PPP1R21: variants seen among roughly 807,000 people sequenced by gnomAD.
The protein encoded by PPP1R21 is protein phosphatase 1 regulatory subunit 21.
A neutral mutation model predicts 112.8 loss-of-function variants in PPP1R21; 85 were observed. That is an observed-to-expected ratio of 0.75 (90% CI 0.63 to 0.90). The LOEUF (loss-of-function observed/expected upper bound fraction) is 0.90, where lower values mean the gene tolerates loss of function less well. PPP1R21 is among the 40% of genes least tolerant of loss of function. The pLI is 0.00. For missense variants in PPP1R21, 1,199 were observed against 901.5 expected, an observed-to-expected ratio of 1.33 and a Z score of -4.23; for synonymous variants, 381 against 322.3, an observed-to-expected ratio of 1.18 and a Z score of -1.95.
At chr2:48,484,126 C>G (rs1023278992) in intron 13 of PPP1R21, among the ~76,000 whole-genome samples, 1 of 152,188 alleles carries the variant, frequency 6.6e-6, no homozygotes, top group Non-Finnish European at 1.5e-5. Context: ...ATACTTTTTC[C>G]CCAAGATATA....
At chr2:48,508,549 G>A (rs547991270) in intron 19 of PPP1R21, among the ~76,000 whole-genome samples, 1 of 152,322 alleles carries the variant, frequency 6.6e-6, no homozygotes, top group African/African-American at 2.4e-5. Flanking sequence ...ATGCAGGAAA[G>A]GGGGAGGACA....
At chr2:48,467,745 C>T (rs1354186955) in intron 9 of PPP1R21, among the ~76,000 whole-genome samples, 2 of 152,202 alleles carry the variant, frequency 1.3e-5, no homozygotes. Context: ...ATTGGTCACA[C>T]AGACCAGACC....
chr2:48,462,976 A>G (rs1469664647), intron 7 of PPP1R21, among the ~76,000 whole-genome samples: 4 of 152,180 alleles, frequency 2.6e-5, no homozygotes, highest in African/African-American at 7.2e-5. Context: ...CATGGGGAAG[A>G]TGGTGATGCA....
chr2:48,442,372 C>T (rs1315684322), intron 1 of PPP1R21, among the ~76,000 whole-genome samples: 4 of 152,166 alleles, frequency 2.6e-5, no homozygotes, highest in Admixed American at 2.0e-4. Flanking sequence ...CCAGCAAGCT[C>T]AGAAGGCCAT....
chr2:48,499,115 A>G (rs879302845), intron 17 of PPP1R21, among the ~76,000 whole-genome samples: 7 of 137,540 alleles, frequency 5.1e-5, no homozygotes, highest in African/African-American at 1.6e-4. Context: ...TAGAGTTTCA[A>G]CGTAGGATAT....
chr2:48,505,596 G>A lies in PPP1R21; in HGVS notation c.1968G>A (p.Glu656=). 1.3e-6 allele frequency: 2 copies of A among 1,549,784 alleles called. No homozygotes were observed. The highest frequency in any genetic ancestry group is 1.7e-6 in the Non-Finnish European group (2 of 1,144,750). Residue 656 remains glutamate (E), a splice_region_variant and synonymous_variant, in exon 18 of 22, where the codon GAG becomes GAA. Transcript: ENST00000294952. ...IGTLTRTSDS[E]VPDVESREDL... ...CTTTAACCAGGACATCTGACAGTGA[G>A]GTAACATGTGCTTGTCATCATGTTG...
chr2:48,501,736 G>T lies in PPP1R21; in HGVS notation c.1935+3001G>T, dbSNP rs531323746. 4.1e-4 allele frequency among the ~76,000 whole-genome samples: 63 copies of T among 151,966 alleles called. 3 individuals are homozygous for T. The South Asian group carries it at 0.01, about 25-fold the overall frequency. On this transcript the variant is annotated intron_variant, in intron 17 of 21. Transcript: ENST00000294952. ...GAAGCAGGAGGATTTTTGAGCCCAGGAGTCTGAGGCTGCAGTGAGCTATCA... is the reference window on the plus strand; with the variant it reads ...GAAGCAGGAGGATTTTTGAGCCCAGTAGTCTGAGGCTGCAGTGAGCTATCA...
chr2:48,478,031 G>T (rs952781896), intron 12 of PPP1R21, among the ~76,000 whole-genome samples: 10 of 152,200 alleles, frequency 6.6e-5, no homozygotes, highest in Admixed American at 2.6e-4. Context: ...TGGAGACAGA[G>T]ATACAAGGGG....
intron 4 of PPP1R21, 122 bp from the exon 5 acceptor site, chr2:48,459,632 G>T: frequency 1.9e-6 from 2 of 1,044,610 alleles, no homozygotes; most frequent in Non-Finnish European, 2.7e-6. Flanking sequence ...GCCTGTGTGG[G>T]TTTAACATAG....
intron 12 of PPP1R21, among the ~76,000 whole-genome samples, chr2:48,476,806 T>C (rs778894721): frequency 3.3e-5 from 5 of 152,212 alleles, no homozygotes; most frequent in South Asian, 2.1e-4. Flanking sequence ...CTGTTTATTA[T>C]TGAGTTATAA....
chr2:48,471,075 C>T lies in PPP1R21; in HGVS notation c.898-12C>T, dbSNP rs781207899. The T allele has an allele frequency of 5.1e-5, 78 of 1,531,570 alleles. No individual in the cohort carries two copies. The highest frequency in any genetic ancestry group is 6.8e-5 in the Non-Finnish European group (75 of 1,107,230). 94.9% of individuals were successfully genotyped at this position (1,531,570 alleles called of 1,614,324 possible). Reference sequence around the variant, plus strand: ...CAGTGATTTAATTCACAATACTTTCCCTCCTGTTTAGTTCTCACAATACCT... The same window carrying T: ...CAGTGATTTAATTCACAATACTTTCTCTCCTGTTTAGTTCTCACAATACCT... On this transcript the variant is annotated splice_polypyrimidine_tract_variant and intron_variant, in intron 9 of 21. Transcript: ENST00000294952.
At chr2:48,443,559 G>C (rs888427566) in intron 1 of PPP1R21, among the ~76,000 whole-genome samples, 1 of 152,230 alleles carries the variant, frequency 6.6e-6, no homozygotes, top group Admixed American at 6.5e-5. Context: ...AGGAGGAAGA[G>C]ATGCTAAGGA....
At position 48,509,620 on chromosome 2, in the gene PPP1R21, A is replaced by T. The variant is rs985859545; in HGVS notation, c.2086-395A>T. 1.0e-3 allele frequency among the ~76,000 whole-genome samples: 158 copies of T among 151,990 alleles called. 1 individual carries two copies. Among genetic ancestry groups the T allele is most frequent in the African/African-American group, 3.7e-3 (153 of 41,484 alleles). On this transcript the variant is annotated intron_variant, in intron 19 of 21. Transcript: ENST00000294952. ...CTCGGGAAGCTGAGGCAGGAGGATCACTTGAACCCGGGAGGTGGAGGTTGC... is the reference window on the plus strand; with the variant it reads ...CTCGGGAAGCTGAGGCAGGAGGATCTCTTGAACCCGGGAGGTGGAGGTTGC...
In PPP1R21 at chr2:48,482,885, A is replaced by C. The variant is rs117233907; in HGVS notation, c.1318+2869A>C. ...CTGCACAGATCATCCCATCAACTAG[A>C]TAGTAAGCCCAGCATCCATTTGCCA... On this transcript the variant is annotated intron_variant, in intron 13 of 21. Coordinates refer to ENST00000294952, the MANE Select transcript of PPP1R21 (RefSeq NM_001135629.3). Among the ~76,000 whole-genome samples, 55 of 152,110 alleles carry C rather than the reference A, an allele frequency of 3.6e-4. No individual in the cohort carries two copies. The East Asian group carries it at 8.9e-3, about 25-fold the overall frequency.
At position 48,497,283 on chromosome 2, in the gene PPP1R21, G is replaced by T. The variant is rs186686001; in HGVS notation, c.1693-1210G>T. Among the ~76,000 whole-genome samples the T allele has an allele frequency of 7.0e-4, 107 of 152,300 alleles. 1 individual carries two copies. Among genetic ancestry groups the T allele is most frequent in the South Asian group, 2.5e-3 (12 of 4,828 alleles). ...GGGGAAATACCCCACATATTTTGGG[G>T]TCACAGAAGTCTTCTGTATTGATTG... is the stretch of plus-strand genomic sequence containing the variant. On this transcript the variant is annotated intron_variant, in intron 16 of 21. Coordinates refer to ENST00000294952, the MANE Select transcript of PPP1R21 (RefSeq NM_001135629.3).
chr2:48,469,283 GTGTGTGTGTGTGTATGTA>G (rs1558455958), intron 9 of PPP1R21, among the ~76,000 whole-genome samples: 1 of 46,806 alleles, frequency 2.1e-5, no homozygotes, highest in African/African-American at 7.7e-5. Context: ...GTGTGTGTGT[GTGTGTGTGTGTGTATGTA>G]TATATATACA....
rs201470465 is a variant in PPP1R21, at chr2:48,514,764, C to T, written c.*20C>T. ...CGATAGTTTTGAAATAGCTGGTTGG[C>T]GACTGTTCTTTCCAGACCTGCTCCT... is the stretch of plus-strand genomic sequence containing the variant. On this transcript the variant is annotated 3_prime_UTR_variant, in exon 22 of 22. Transcript: ENST00000294952. The T allele has an allele frequency of 1.7e-5, 28 of 1,612,582 alleles. No individual in the cohort carries two copies. Among genetic ancestry groups the T allele is most frequent in the Admixed American group, 3.3e-5 (2 of 60,000 alleles).
At chr2:48,441,055 C>G in intron 1 of PPP1R21, 45 bp downstream of exon 1, 1 of 1,422,366 alleles carries the variant, frequency 7.0e-7, no homozygotes, top group Non-Finnish European at 9.9e-7. Context: ...GCCCTGCGGC[C>G]TCAGGTTGCC....
At chr2:48,441,258 TG>T (rs1171879611) in intron 1 of PPP1R21, 1 of 564,458 alleles carries the variant, frequency 1.8e-6, no homozygotes, top group Non-Finnish European at 3.2e-6. Flanking sequence ...TCCTTTTCAC[TG>T]AAGTAGCGGG....
Sources: allele counts gnomAD v4.1 joint callset (sites outside exome capture counted in the v4.1 genomes callset), GRCh38; gene constraint gnomAD v4.1.1; transcripts MANE v1.5; gene names NCBI Gene and HGNC (gene_info 2026-07-23, HGNC 2026-07-21).